The following RBMS3 variants were observed in gnomAD, a reference collection of about 807,000 sequenced individuals.
RBMS3 encodes the protein RNA binding motif single stranded interacting protein 3.
RBMS3 carries 27 observed loss-of-function variants against 66.8 expected under a neutral mutation model. That is an observed-to-expected ratio of 0.40 (90% CI 0.30 to 0.56). RBMS3 has a LOEUF of 0.56. Among genes scored for constraint, RBMS3 ranks in the 20% least tolerant of loss-of-function variants. RBMS3 has a pLI of 0.40. For synonymous variants in RBMS3, 188 were observed against 183.0 expected (o/e 1.03, Z -0.22); for missense variants, 513 against 549.5 (o/e 0.93, Z 0.66).
intron 12 of RBMS3, among the ~76,000 whole-genome samples, chr3:29,977,304 G>A (rs769946664): frequency 6.6e-6 from 1 of 151,884 alleles, no homozygotes; most frequent in Non-Finnish European, 1.5e-5. Flanking sequence ...GCCCCTCCCT[G>A]GCTCTATAAA....
At chr3:29,786,631 C>A (rs80078434) in intron 6 of RBMS3, among the ~76,000 whole-genome samples, 3,626 of 152,206 alleles carry the variant, frequency 0.024, 74 homozygotes, top group East Asian at 0.13. Context: ...GCATAATTGG[C>A]AAGCCACATG....
At position 29,306,176 on chromosome 3, in the gene RBMS3, A is replaced by G. The variant is rs185655586; in HGVS notation, c.75+24420A>G. ...TCCTTGTTTTCATAATTGCATACCA[A>G]TTTTCATGTTGGAAAACTAATCTCC... On this transcript the variant is annotated intron_variant, in intron 1 of 14. Coordinates refer to ENST00000383767, the MANE Select transcript of RBMS3 (RefSeq NM_001003793.3). 2.1e-4 allele frequency among the ~76,000 whole-genome samples: 32 copies of G among 151,982 alleles called. No individual in the cohort carries two copies. The East Asian group carries it at 5.7e-3, about 27-fold the overall frequency.
chr3:29,832,279 C>T (rs890388807), intron 6 of RBMS3, among the ~76,000 whole-genome samples: 2 of 152,156 alleles, frequency 1.3e-5, no homozygotes, highest in Admixed American at 1.3e-4. Context: ...GAAACTCTTT[C>T]TCTTATACCA....
At chr3:29,486,076 A>T (rs904506799) in intron 2 of RBMS3, among the ~76,000 whole-genome samples, 7 of 152,144 alleles carry the variant, frequency 4.6e-5, no homozygotes, top group African/African-American at 1.2e-4. Context: ...GCATAATTTC[A>T]TAGGTATATT....
intron 2 of RBMS3, among the ~76,000 whole-genome samples, chr3:29,464,035 T>C (rs1186278209): frequency 6.6e-6 from 1 of 152,102 alleles, no homozygotes; most frequent in Admixed American, 6.5e-5. Context: ...CAATGCATAA[T>C]TGAGGTCTTT....
chr3:29,971,438 G>A (rs530526713), intron 12 of RBMS3, among the ~76,000 whole-genome samples: 1 of 151,950 alleles, frequency 6.6e-6, no homozygotes, highest in Non-Finnish European at 1.5e-5. Flanking sequence ...TCTCAAATAT[G>A]TTAGGTATAG....
intron 3 of RBMS3, among the ~76,000 whole-genome samples, chr3:29,516,941 G>A (rs1255654086): frequency 6.6e-6 from 1 of 152,064 alleles, no homozygotes; most frequent in African/African-American, 2.4e-5. Flanking sequence ...AGCCAGGTAT[G>A]GTGGTGCAAT....
chr3:29,434,553 T>C (rs540653037), intron 1 of RBMS3, among the ~76,000 whole-genome samples, 190 bp from the exon 2 acceptor site: 32 of 152,256 alleles, frequency 2.1e-4, no homozygotes, highest in African/African-American at 7.0e-4. Flanking sequence ...CTTATGCTGA[T>C]CTGAATGGAG....
chr3:29,511,376 C>T (rs1452289918), intron 3 of RBMS3, among the ~76,000 whole-genome samples: 1 of 152,094 alleles, frequency 6.6e-6, no homozygotes, highest in Non-Finnish European at 1.5e-5. Flanking sequence ...TAACAGTGAT[C>T]CTAATAAGGT....
chr3:29,968,553 T>A (rs996440186), intron 12 of RBMS3, among the ~76,000 whole-genome samples: 1 of 124,578 alleles, frequency 8.0e-6, no homozygotes, highest in African/African-American at 2.9e-5. Context: ...TTCACTCAGC[T>A]CGGCTCTCTT....
rs555748375 is a variant in RBMS3 at position 29,639,918 on chromosome 3, G to A, written c.399+52713G>A. Among the ~76,000 whole-genome samples the A allele has an allele frequency of 5.9e-5, 9 of 151,878 alleles. No homozygotes were observed. In the South Asian group the frequency reaches 6.2e-4, roughly 10 times the overall value. On this transcript the variant is annotated intron_variant, in intron 4 of 14. Coordinates refer to ENST00000383767, the MANE Select transcript of RBMS3 (RefSeq NM_001003793.3). ...CTGTTCAATGAGGTATTCAGATGAC[G>A]GGGAGATATAAAAAAAAGAAGGATA...
chr3:29,704,290 C>T (rs554136191), intron 4 of RBMS3, among the ~76,000 whole-genome samples: 189 of 152,022 alleles, frequency 1.2e-3, no homozygotes, highest in African/African-American at 4.5e-3. Context: ...CTGATTTAAT[C>T]TTTGCTTCTA....
intron 6 of RBMS3, among the ~76,000 whole-genome samples, chr3:29,852,822 G>A (rs2058969508): frequency 6.6e-6 from 1 of 152,092 alleles, no homozygotes; most frequent in African/African-American, 2.4e-5. Flanking sequence ...TATACCCAAA[G>A]GAGTATAAAT....
At chr3:29,320,270 G>T (rs1575536638) in intron 1 of RBMS3, among the ~76,000 whole-genome samples, 1 of 152,012 alleles carries the variant, frequency 6.6e-6, no homozygotes, top group African/African-American at 2.4e-5. Flanking sequence ...CAAAATAGGA[G>T]AACTTTCTCT....
chr3:29,940,814 C>G (rs2061375296), intron 11 of RBMS3, among the ~76,000 whole-genome samples: 1 of 150,714 alleles, frequency 6.6e-6, no homozygotes, highest in Non-Finnish European at 1.5e-5. Context: ...TTTCAGGGGT[C>G]TGCTGACCCT....
chr3:29,881,913 T>G (rs991412156), intron 7 of RBMS3, among the ~76,000 whole-genome samples: 7 of 152,144 alleles, frequency 4.6e-5, no homozygotes, highest in African/African-American at 1.4e-4. Flanking sequence ...TGCAGTTGAC[T>G]AGGGAAGGCT....
At chr3:29,732,140 C>G (rs182156944) in intron 4 of RBMS3, among the ~76,000 whole-genome samples, 230 of 152,126 alleles carry the variant, frequency 1.5e-3, no homozygotes, top group Non-Finnish European at 1.8e-3. Context: ...GCAACAAGTC[C>G]TAAGATCTTC....
intron 1 of RBMS3, among the ~76,000 whole-genome samples, chr3:29,330,200 T>C (rs188900883): frequency 2.0e-5 from 3 of 152,228 alleles, no homozygotes; most frequent in East Asian, 3.9e-4. Flanking sequence ...TAAGTTTGAA[T>C]ATACCACTGT....
intron 3 of RBMS3, among the ~76,000 whole-genome samples, chr3:29,578,612 C>T (rs1011241539): frequency 2.6e-5 from 4 of 151,090 alleles, no homozygotes; most frequent in Admixed American, 2.0e-4. Flanking sequence ...TAGATAGAAC[C>T]TTTTATCAAA....
Sources: gnomAD v4.1 joint callset for allele counts (sites outside exome capture counted in the v4.1 genomes callset) on GRCh38, gnomAD v4.1.1 for gene constraint, MANE v1.5 for transcripts, NCBI Gene and HGNC (gene_info 2026-07-23, HGNC 2026-07-21) for gene names.